The following NUDCD3 variants were observed in gnomAD, a reference collection of about 807,000 sequenced individuals.
NUDCD3 encodes nudC domain-containing protein 3.
A neutral mutation model predicts 39.7 loss-of-function variants in NUDCD3; 13 were observed. That is an observed-to-expected ratio of 0.33 (90% CI 0.21 to 0.52). NUDCD3 has a LOEUF of 0.52. NUDCD3 is among the 20% of genes least tolerant of loss of function. The pLI is 0.96. For missense variants in NUDCD3, 453 were observed against 458.1 expected (o/e 0.99, Z 0.10); for synonymous variants, 175 against 172.4 (o/e 1.02, Z -0.12).
At position 44,485,235 on chromosome 7, in the gene NUDCD3, C is replaced by T; in HGVS notation, c.242G>A (p.Arg81Lys). 6.2e-7 allele frequency: 1 copy of T among 1,614,094 alleles called. No individual in the cohort carries two copies. The highest frequency in any genetic ancestry group is 1.3e-5 in the African/African-American group (1 of 75,020). The change falls in exon 2 of 6, where the codon AGG (arginine) becomes AAG (lysine). Residue 81 changes from arginine (R) to lysine (K), a missense_variant. Coordinates refer to ENST00000355451, the MANE Select transcript of NUDCD3 (RefSeq NM_015332.4). ...TCTGATTTTCTCTTCAAGTTCCTGCCTTCTCTTCTCATCATCCTGACGGGC... is the reference window on the plus strand; with the variant it reads ...TCTGATTTTCTCTTCAAGTTCCTGCTTTCTCTTCTCATCATCCTGACGGGC... Reference protein sequence around the residue: ...HMARQDDEKRRQELEEKIRRK... With the variant: ...HMARQDDEKRKQELEEKIRRK...
chr7:44,459,114 G>A (rs1381004299), intron 2 of NUDCD3, among the ~76,000 whole-genome samples: 1 of 151,964 alleles, frequency 6.6e-6, no homozygotes, highest in African/African-American at 2.4e-5. Context: ...GTTGTTTTGG[G>A]AGTATTATTA....
At chr7:44,441,554 G>A (rs10249067) in intron 2 of NUDCD3, among the ~76,000 whole-genome samples, 19,543 of 151,890 alleles carry the variant, frequency 0.13, 1,666 homozygotes, top group Non-Finnish European at 0.19. Flanking sequence ...ATGTCTACCC[G>A]CCCTGCCCAG....
At chr7:44,389,692 T>G (rs1158039304) in intron 5 of NUDCD3, among the ~76,000 whole-genome samples, 1 of 152,178 alleles carries the variant, frequency 6.6e-6, no homozygotes, top group African/African-American at 2.4e-5. Context: ...TCTGTGTCTG[T>G]CTTCCTCACC....
chr7:44,435,934 A>T (rs1371926832), intron 2 of NUDCD3, among the ~76,000 whole-genome samples: 1 of 152,316 alleles, frequency 6.6e-6, no homozygotes, highest in East Asian at 1.9e-4. Flanking sequence ...CACAACCAGG[A>T]GCACACAGTC....
intron 5 of NUDCD3, among the ~76,000 whole-genome samples, chr7:44,389,728 C>T (rs1372140097): frequency 6.6e-6 from 1 of 151,984 alleles, no homozygotes; most frequent in Admixed American, 6.5e-5. Flanking sequence ...AGGGGTGAGA[C>T]TATGCAATGT....
intron 2 of NUDCD3, among the ~76,000 whole-genome samples, chr7:44,481,899 C>T (rs745810164): frequency 1.3e-5 from 2 of 152,142 alleles, no homozygotes; most frequent in Non-Finnish European, 2.9e-5. Flanking sequence ...CCTCTTCCAC[C>T]ATTTGAGGAC....
chr7:44,405,306 G>A (rs920832583), intron 3 of NUDCD3, among the ~76,000 whole-genome samples: 26 of 152,226 alleles, frequency 1.7e-4, no homozygotes, highest in Middle Eastern at 3.4e-3. Flanking sequence ...CTTCCCCACC[G>A]CCCTAGGAAC....
rs1234899570 is a variant in NUDCD3, at chr7:44,392,426, G to A, written c.846C>T (p.Pro282=). 2.2e-5 allele frequency: 36 copies of A among 1,613,988 alleles called. No individual in the cohort carries two copies. Among genetic ancestry groups the A allele is most frequent in the Non-Finnish European group, 2.9e-5 (34 of 1,180,014 alleles). ...WWNAILEGEE[P]IDIDKINKER... ...CCTTGTTGATCTTGTCAATGTCGAT[G>A]GGCTCTTCTCCCTCCAGGATGGCGT... The change falls in exon 5 of 6, where the codon CCC becomes CCT. Residue 282 remains proline (P), a synonymous_variant. Transcript: ENST00000355451.
chr7:44,486,041 A>G (rs1389251604), intron 1 of NUDCD3, among the ~76,000 whole-genome samples: 3 of 152,262 alleles, frequency 2.0e-5, no homozygotes, highest in African/African-American at 7.2e-5. Flanking sequence ...TGGCGAAAGA[A>G]ATCTAGGGAG....
intron 2 of NUDCD3, among the ~76,000 whole-genome samples, chr7:44,429,269 T>TA (rs942211951): frequency 1.3e-5 from 2 of 152,186 alleles, no homozygotes; most frequent in Admixed American, 6.5e-5. Flanking sequence ...GTGACCTTAA[T>TA]AAAAACAGGG....
chr7:44,468,398 GA>G (rs1258568084), intron 2 of NUDCD3: 4 of 1,019,544 alleles, frequency 3.9e-6, no homozygotes, highest in African/African-American at 1.7e-5. Flanking sequence ...CCAGGGAGAC[GA>G]AAGAATTTGT....
At chr7:44,386,335 T>C (rs1798402994) in intron 5 of NUDCD3, among the ~76,000 whole-genome samples, 1 of 152,186 alleles carries the variant, frequency 6.6e-6, no homozygotes, top group Non-Finnish European at 1.5e-5. Flanking sequence ...CCAAGACTGC[T>C]CCACAGACTG....
chr7:44,397,760 C>G (rs1185204276), intron 4 of NUDCD3, among the ~76,000 whole-genome samples: 1 of 152,108 alleles, frequency 6.6e-6, no homozygotes, highest in Non-Finnish European at 1.5e-5. Flanking sequence ...AGTATTTTCT[C>G]TGAATCATTT....
intron 2 of NUDCD3, among the ~76,000 whole-genome samples, chr7:44,456,068 A>G (rs541952348): frequency 4.0e-4 from 60 of 148,878 alleles, no homozygotes; most frequent in African/African-American, 1.4e-3. Context: ...ACAAACAACA[A>G]TAACAATCAC....
rs543622747 is a variant in NUDCD3 at position 44,485,032 on chromosome 7, C to T, written c.445G>A (p.Ala149Thr). The T allele has an allele frequency of 3.7e-6, 6 of 1,614,202 alleles. No individual in the cohort carries two copies. The East Asian group carries it at 6.7e-5, about 18-fold the overall frequency. ...VKEMAHGSQE[A>T]EAPGAVAGAA... Reference sequence around the variant, plus strand: ...CCAGCAACTGCTCCTGGAGCTTCTGCCTCCTGTGAACCATGGGCCATTTCC... The same window carrying T: ...CCAGCAACTGCTCCTGGAGCTTCTGTCTCCTGTGAACCATGGGCCATTTCC... The change falls in exon 2 of 6, where the codon GCA becomes ACA. Residue 149 changes from alanine (A) to threonine (T), a missense_variant. Ala to Thr is a moderately conservative substitution (Grantham distance 58). Transcript: ENST00000355451.
At chr7:44,401,867 C>T (rs759980333) in intron 4 of NUDCD3, among the ~76,000 whole-genome samples, 1 of 152,340 alleles carries the variant, frequency 6.6e-6, no homozygotes, top group Non-Finnish European at 1.5e-5. Flanking sequence ...GCTATGGCCC[C>T]GGGGGCCCTG....
rs142616420 is a variant in NUDCD3 at position 44,407,459 on chromosome 7, G to A, written c.643-2876C>T. On this transcript the variant is annotated intron_variant, in intron 3 of 5. Coordinates refer to ENST00000355451, the MANE Select transcript of NUDCD3 (RefSeq NM_015332.4). ...GTATGCCTGTAACCCCAGCTACTCC[G>A]GAGGCTGAGGCAGGAGAATCGCTTG... 6.6e-3 allele frequency among the ~76,000 whole-genome samples: 1,001 copies of A among 151,504 alleles called. 11 individuals are homozygous for A. Among genetic ancestry groups the A allele is most frequent in the African/African-American group, 0.023 (943 of 41,244 alleles).
chr7:44,435,316 G>C (rs950824003), intron 2 of NUDCD3, among the ~76,000 whole-genome samples: 2 of 152,202 alleles, frequency 1.3e-5, no homozygotes, highest in African/African-American at 4.8e-5. Flanking sequence ...CACACGGTAA[G>C]CCTAGCCGTC....
At chr7:44,408,086 T>C (rs990952549) in intron 3 of NUDCD3, among the ~76,000 whole-genome samples, 1 of 152,140 alleles carries the variant, frequency 6.6e-6, no homozygotes. Context: ...AGAGATGGAA[T>C]AGACTTCCAG....
Sources: allele counts gnomAD v4.1 joint callset (sites outside exome capture counted in the v4.1 genomes callset), GRCh38; gene constraint gnomAD v4.1.1; transcripts MANE v1.5; gene names NCBI Gene and HGNC (gene_info 2026-07-23, HGNC 2026-07-21).